Variants in CYB5R4 observed in about 807,000 individuals in gnomAD.
CYB5R4 encodes N-terminal cytochrome b5 and cytochrome b5 oxidoreductase domain-containing protein.
Under a neutral mutation model 70.2 loss-of-function variants are expected in CYB5R4, and 55 were observed. The ratio of observed to expected loss-of-function variants is 0.78; its 90% CI spans 0.63 to 0.98. The LOEUF (loss-of-function observed/expected upper bound fraction) is 0.98. Among genes scored for constraint, CYB5R4 ranks in the 50% least tolerant of loss-of-function variants. The pLI is 0.00. For synonymous variants in CYB5R4, 197 were observed against 199.5 expected, an observed-to-expected ratio of 0.99 and a Z score of 0.11; for missense variants, 562 against 612.6, an observed-to-expected ratio of 0.92 and a Z score of 0.87.
chr6:83,876,290 A>G (rs2099458546), intron 2 of CYB5R4, among the ~76,000 whole-genome samples: 1 of 152,014 alleles, frequency 6.6e-6, no homozygotes, highest in Admixed American at 6.6e-5. Flanking sequence ...AATATTGAAG[A>G]TTTCTTAAGG....
At chr6:83,887,407 CTTGT>C (rs1467795282) in intron 2 of CYB5R4, among the ~76,000 whole-genome samples, 1 of 152,054 alleles carries the variant, frequency 6.6e-6, no homozygotes, top group Non-Finnish European at 1.5e-5. Context: ...ATTCAGAGAA[CTTGT>C]TTGAGAGCTC....
intron 2 of CYB5R4, among the ~76,000 whole-genome samples, chr6:83,869,415 T>C (rs1013616100): frequency 2.6e-5 from 4 of 152,238 alleles, no homozygotes; most frequent in Non-Finnish European, 1.5e-5. Context: ...GTGTCTGTTA[T>C]TCATTCAAAG....
At chr6:83,886,007 G>T (rs183059336) in intron 2 of CYB5R4, among the ~76,000 whole-genome samples, 1 of 152,182 alleles carries the variant, frequency 6.6e-6, no homozygotes, top group East Asian at 1.9e-4. Context: ...TGCTTATAAC[G>T]GAATACCTGA....
intron 15 of CYB5R4, among the ~76,000 whole-genome samples, chr6:83,958,011 G>A (rs139892224): frequency 6.6e-6 from 1 of 152,154 alleles, no homozygotes; most frequent in African/African-American, 2.4e-5. Flanking sequence ...TGATTGTGAT[G>A]TCCACTCCTA....
rs561011868 is a variant in CYB5R4, at chr6:83,899,265, G to A, written c.330+5643G>A. On this transcript the variant is annotated intron_variant, in intron 3 of 15. Coordinates refer to ENST00000369681, the MANE Select transcript of CYB5R4 (RefSeq NM_016230.4). ...TGGTTCTGTTTATATGCTGGATTACGTTTATTGATTTGTGTATGTTGAACC... is the reference window on the plus strand; with the variant it reads ...TGGTTCTGTTTATATGCTGGATTACATTTATTGATTTGTGTATGTTGAACC... Among the ~76,000 whole-genome samples, 66 of 152,210 alleles carry A rather than the reference G, an allele frequency of 4.3e-4. No homozygotes were observed. The East Asian group carries it at 0.011, about 25-fold the overall frequency.
intron 10 of CYB5R4, among the ~76,000 whole-genome samples, chr6:83,927,118 A>G (rs1361521197): frequency 6.6e-6 from 1 of 152,192 alleles, no homozygotes; most frequent in Non-Finnish European, 1.5e-5. Context: ...ACACACATAC[A>G]AAAACCCTCT....
chr6:83,910,044 G>A (rs1323018097), intron 4 of CYB5R4: 1 of 1,612,360 alleles, frequency 6.2e-7, no homozygotes, highest in African/African-American at 1.3e-5. Flanking sequence ...CGCATGCATT[G>A]GACAGCTCTT....
At chr6:83,937,225 A>AGATC (rs1156260580) in intron 12 of CYB5R4, among the ~76,000 whole-genome samples, 3 of 152,146 alleles carry the variant, frequency 2.0e-5, no homozygotes, top group African/African-American at 7.2e-5. Flanking sequence ...CAGTGAGCCG[A>AGATC]GATCGTGCCA....
intron 15 of CYB5R4, among the ~76,000 whole-genome samples, chr6:83,956,367 G>T (rs2099472425): frequency 6.6e-6 from 1 of 152,148 alleles, no homozygotes; most frequent in Non-Finnish European, 1.5e-5. Flanking sequence ...ACTCAAAGCT[G>T]GATTGGGGGG....
chr6:83,900,024 G>A (rs907247452), intron 3 of CYB5R4, among the ~76,000 whole-genome samples: 1 of 152,112 alleles, frequency 6.6e-6, no homozygotes, highest in South Asian at 2.1e-4. Flanking sequence ...GAATGTGTTT[G>A]CTCTTGCTTC....
intron 3 of CYB5R4, among the ~76,000 whole-genome samples, chr6:83,898,914 G>C (rs1255234649): frequency 1.3e-5 from 2 of 152,114 alleles, no homozygotes; most frequent in Non-Finnish European, 2.9e-5. Context: ...CTGCAAACAG[G>C]GACAATTTGA....
At chr6:83,940,832 G>C (rs2099469643) in intron 14 of CYB5R4, among the ~76,000 whole-genome samples, 1 of 152,076 alleles carries the variant, frequency 6.6e-6, no homozygotes. Context: ...TGCATATTGG[G>C]CTTTATGATC....
intron 10 of CYB5R4, among the ~76,000 whole-genome samples, chr6:83,925,057 C>A (rs564032125): frequency 6.6e-5 from 10 of 152,196 alleles, no homozygotes; most frequent in African/African-American, 2.2e-4. Context: ...ATGCCTGAGA[C>A]TGGATAATTT....
intron 2 of CYB5R4, among the ~76,000 whole-genome samples, chr6:83,867,439 G>A (rs927139136): frequency 6.6e-6 from 1 of 152,214 alleles, no homozygotes; most frequent in Admixed American, 6.5e-5. Context: ...ATGGCAGTGT[G>A]TACTCTTGAA....
At chr6:83,900,345 T>C (rs373000435) in intron 3 of CYB5R4, among the ~76,000 whole-genome samples, 12 of 152,218 alleles carry the variant, frequency 7.9e-5, no homozygotes, top group African/African-American at 2.9e-4. Flanking sequence ...TTTGTTATAA[T>C]TTCTGTTCTT....
intron 2 of CYB5R4, among the ~76,000 whole-genome samples, chr6:83,880,981 G>A (rs887520171): frequency 6.6e-6 from 1 of 152,080 alleles, no homozygotes; most frequent in Non-Finnish European, 1.5e-5. Flanking sequence ...CAGTCTCTTT[G>A]CTTCTTGTTT....
chr6:83,910,335 A>G, intron 4 of CYB5R4: 1 of 576,770 alleles, frequency 1.7e-6, no homozygotes. Flanking sequence ...CTGATAGGGG[A>G]GAAGTAAGAC....
At chr6:83,941,047 T>G (rs560631021) in intron 14 of CYB5R4, among the ~76,000 whole-genome samples, 1 of 152,184 alleles carries the variant, frequency 6.6e-6, no homozygotes, top group Non-Finnish European at 1.5e-5. Flanking sequence ...GAGGAATTTT[T>G]TATGCATTGC....
At chr6:83,906,454 C>G (rs543257606) in intron 3 of CYB5R4, among the ~76,000 whole-genome samples, 61 of 152,302 alleles carry the variant, frequency 4.0e-4, no homozygotes, top group African/African-American at 1.3e-3. Flanking sequence ...AGTGCCATCA[C>G]ACAATCTCCC....
Sources: gnomAD v4.1 joint callset for allele counts (sites outside exome capture counted in the v4.1 genomes callset) on GRCh38, gnomAD v4.1.1 for gene constraint, MANE v1.5 for transcripts, NCBI Gene and HGNC (gene_info 2026-07-23, HGNC 2026-07-21) for gene names.